The following GMDS variants were observed in gnomAD, a reference collection of about 807,000 sequenced individuals.
GMDS encodes the protein GDP-mannose 4,6 dehydratase.
GMDS carries 20 observed loss-of-function variants against 49.9 expected under a neutral mutation model. The observed-to-expected ratio is 0.40, with a 90% confidence interval of 0.28 to 0.58. The LOEUF (loss-of-function observed/expected upper bound fraction) is 0.58. GMDS is among the 20% of genes least tolerant of loss of function. The probability of loss-of-function intolerance (pLI) is 0.42; values close to 1 mark genes in which losing one functional copy is unlikely to be tolerated. For synonymous variants in GMDS, 177 were observed against 178.6 expected, an observed-to-expected ratio of 0.99 and a Z score of 0.07; for missense variants, 362 against 481.4, an observed-to-expected ratio of 0.75 and a Z score of 2.32.
At chr6:2,052,408 G>C (rs766674647) in intron 4 of GMDS, among the ~76,000 whole-genome samples, 19 of 152,184 alleles carry the variant, frequency 1.2e-4, no homozygotes, top group Non-Finnish European at 2.5e-4. Context: ...GAAAGTTAAA[G>C]GATGGGAAGA....
intron 9 of GMDS, among the ~76,000 whole-genome samples, chr6:1,719,456 T>C (rs1055049107): frequency 5.3e-5 from 8 of 152,126 alleles, no homozygotes; most frequent in South Asian, 2.1e-4. Flanking sequence ...ACAATCAAAT[T>C]TGATAAAAAA....
chr6:1,800,220 T>C (rs1159540841), intron 7 of GMDS, among the ~76,000 whole-genome samples: 2 of 152,160 alleles, frequency 1.3e-5, no homozygotes, highest in Admixed American at 6.5e-5. Flanking sequence ...TAACATGATA[T>C]ATGGAAATAA....
At chr6:1,998,862 A>G (rs1177774867) in intron 4 of GMDS, among the ~76,000 whole-genome samples, 1 of 118,562 alleles carries the variant, frequency 8.4e-6, no homozygotes, top group East Asian at 2.2e-4. Flanking sequence ...AAGCATAAAA[A>G]TAAAGGAAAA....
intron 9 of GMDS, among the ~76,000 whole-genome samples, chr6:1,636,778 C>G (rs1248449408): frequency 1.3e-5 from 2 of 152,230 alleles, no homozygotes; most frequent in Non-Finnish European, 2.9e-5. Flanking sequence ...CAGTGGGCCC[C>G]GGAAGGTCTG....
intron 8 of GMDS, among the ~76,000 whole-genome samples, chr6:1,727,079 A>G (rs1440539944): frequency 6.6e-6 from 1 of 152,164 alleles, no homozygotes; most frequent in Non-Finnish European, 1.5e-5. Flanking sequence ...AGTAAGTCTC[A>G]GATGATTAAA....
intron 7 of GMDS, among the ~76,000 whole-genome samples, chr6:1,814,646 A>G (rs762871748): frequency 5.3e-5 from 8 of 152,352 alleles, no homozygotes; most frequent in African/African-American, 1.9e-4. Context: ...ATGAAGAAAT[A>G]TCACATGGAT....
intron 7 of GMDS, among the ~76,000 whole-genome samples, chr6:1,882,772 T>C (rs966368119): frequency 1.3e-5 from 2 of 152,214 alleles, no homozygotes; most frequent in Non-Finnish European, 2.9e-5. Flanking sequence ...GAAGTCATTA[T>C]CTAATGGATT....
At chr6:2,167,694 C>T (rs1777736711) in intron 1 of GMDS, among the ~76,000 whole-genome samples, 1 of 152,062 alleles carries the variant, frequency 6.6e-6, no homozygotes, top group Non-Finnish European at 1.5e-5. Context: ...ATGCCTGCCC[C>T]CAGCTAGCCT....
chr6:2,059,577 G>A (rs926664095), intron 4 of GMDS, among the ~76,000 whole-genome samples: 16 of 146,962 alleles, frequency 1.1e-4, no homozygotes, highest in African/African-American at 1.8e-4. Context: ...GCGTGGTAGC[G>A]GGCGCCTGTA....
intron 4 of GMDS, among the ~76,000 whole-genome samples, chr6:1,970,005 T>A (rs761498413): frequency 2.6e-5 from 4 of 152,180 alleles, no homozygotes; most frequent in Non-Finnish European, 5.9e-5. Context: ...AATTCCCCAA[T>A]GATTTCAGTA....
At chr6:1,911,732 C>T (rs768625342) in intron 7 of GMDS, among the ~76,000 whole-genome samples, 1 of 152,108 alleles carries the variant, frequency 6.6e-6, no homozygotes, top group African/African-American at 2.4e-5. Flanking sequence ...TAAATTGAAC[C>T]ATTGAAGGAT....
At chr6:2,126,736 C>T (rs541691104) in intron 1 of GMDS, among the ~76,000 whole-genome samples, 10 of 152,238 alleles carry the variant, frequency 6.6e-5, no homozygotes, top group South Asian at 4.1e-4. Flanking sequence ...CGGGTTCAAG[C>T]GATTCTCGTG....
intron 7 of GMDS, among the ~76,000 whole-genome samples, chr6:1,906,893 T>C (rs1037988476): frequency 6.6e-6 from 1 of 152,094 alleles, no homozygotes; most frequent in Non-Finnish European, 1.5e-5. Context: ...ACACTTTACA[T>C]AGCAGGAAAT....
At chr6:1,929,193 T>C (rs1298897872) in intron 7 of GMDS, among the ~76,000 whole-genome samples, 1 of 152,216 alleles carries the variant, frequency 6.6e-6, no homozygotes. Flanking sequence ...GGCATTAAAG[T>C]TTCTTTTTGA....
At chr6:1,915,153 A>G (rs1761311237) in intron 7 of GMDS, among the ~76,000 whole-genome samples, 1 of 152,194 alleles carries the variant, frequency 6.6e-6, no homozygotes, top group Non-Finnish European at 1.5e-5. Flanking sequence ...TCCCATAAAG[A>G]AGCTGGACAC....
intron 4 of GMDS, among the ~76,000 whole-genome samples, chr6:2,014,993 C>A (rs1331380592): frequency 6.6e-6 from 1 of 152,046 alleles, no homozygotes; most frequent in Non-Finnish European, 1.5e-5. Context: ...ATAAAGGGGT[C>A]ATTTCTCCAA....
chr6:1,704,391 T>G (rs1581482173), intron 9 of GMDS, among the ~76,000 whole-genome samples: 2 of 147,924 alleles, frequency 1.4e-5, no homozygotes, highest in Non-Finnish European at 3.0e-5. Context: ...TCCATGGGGG[T>G]GGGCAACAGA....
At chr6:1,785,798 T>C (rs3800070) in intron 7 of GMDS, among the ~76,000 whole-genome samples, 15,364 of 152,284 alleles carry the variant, frequency 0.1, 893 homozygotes, top group East Asian at 0.18. Flanking sequence ...TAATCTGCCA[T>C]AGTGGCTTGG....
At chr6:2,043,875 C>A (rs201629408) in intron 4 of GMDS, among the ~76,000 whole-genome samples, 1 of 141,378 alleles carries the variant, frequency 7.1e-6, no homozygotes, top group African/African-American at 2.6e-5. Flanking sequence ...GAAAAAAAAA[C>A]AACAACAACC....
Sources: gnomAD v4.1 joint callset for allele counts (sites outside exome capture counted in the v4.1 genomes callset) on GRCh38, gnomAD v4.1.1 for gene constraint, MANE v1.5 for transcripts, NCBI Gene and HGNC (gene_info 2026-07-23, HGNC 2026-07-21) for gene names.